The following THEMIS variants were observed in gnomAD, a reference collection of about 807,000 sequenced individuals.
THEMIS encodes thymocyte selection associated.
A neutral mutation model predicts 52.6 loss-of-function variants in THEMIS; 37 were observed. The observed-to-expected ratio is 0.70, with a 90% CI of 0.54 to 0.93. The LOEUF (loss-of-function observed/expected upper bound fraction) is 0.93, where lower values mean the gene tolerates loss of function less well. Among genes scored for constraint, THEMIS ranks in the 40% least tolerant of loss-of-function variants. The pLI, the probability that THEMIS is intolerant of heterozygous loss-of-function variation, is 0.00. For synonymous variants in THEMIS, 292 were observed against 272.7 expected (o/e 1.07, Z -0.70); for missense variants, 808 against 763.1 (o/e 1.06, Z -0.69).
At chr6:127,903,466 G>A (rs1445751110), upstream of THEMIS, among the ~76,000 whole-genome samples, 2 of 151,842 alleles carry the variant, frequency 1.3e-5, no homozygotes, top group Non-Finnish European at 2.9e-5. Context: ...AAATTCCAAG[G>A]CAGTGGGAAA....
chr6:127,835,122 T>C (rs192879917), intron 2 of THEMIS, among the ~76,000 whole-genome samples: 6 of 151,974 alleles, frequency 3.9e-5, no homozygotes, highest in Admixed American at 6.5e-5. Context: ...GTATCAGGGC[T>C]AGAAAGAACC....
downstream of THEMIS, among the ~76,000 whole-genome samples, chr6:127,703,919 G>C (rs958104882): frequency 5.9e-5 from 9 of 152,176 alleles, no homozygotes; most frequent in African/African-American, 2.2e-4. Context: ...CAAGGTACCA[G>C]AAGATTTGAG....
intron 4 of THEMIS, among the ~76,000 whole-genome samples, chr6:127,766,286 C>G (rs1776196649): frequency 1.3e-5 from 2 of 152,232 alleles, no homozygotes; most frequent in South Asian, 4.1e-4. Context: ...TCGCACATTC[C>G]ATGTATCCTT....
chr6:127,848,127 T>C (rs561478331), intron 2 of THEMIS, among the ~76,000 whole-genome samples: 3 of 131,812 alleles, frequency 2.3e-5, no homozygotes, highest in Non-Finnish European at 3.1e-5. Context: ...CCTGTGTCCA[T>C]GTGTTCTCAT....
At chr6:127,854,917 C>G in intron 2 of THEMIS, 113 bp downstream of exon 2, 1 of 873,670 alleles carries the variant, frequency 1.1e-6, no homozygotes, top group Non-Finnish European at 1.6e-6. Context: ...ATTTTCCCCC[C>G]CATTATCCTA....
At chr6:127,733,723 A>G (rs1774888696) in intron 4 of THEMIS, among the ~76,000 whole-genome samples, 3 of 152,206 alleles carry the variant, frequency 2.0e-5, no homozygotes, top group Admixed American at 2.0e-4. Flanking sequence ...TCAGGCCTCA[A>G]GATTTAACTG....
chr6:127,911,932 C>G (rs1781421660), intron 1 of THEMIS, among the ~76,000 whole-genome samples: 1 of 148,110 alleles, frequency 6.8e-6, no homozygotes, highest in African/African-American at 2.7e-5. Flanking sequence ...GCAACACACA[C>G]CTAGAAAAGC....
chr6:127,828,676 C>T (rs887790613), intron 3 of THEMIS, among the ~76,000 whole-genome samples: 7 of 152,138 alleles, frequency 4.6e-5, no homozygotes, highest in East Asian at 3.9e-4. Context: ...CACGCCGGGC[C>T]GGGCGCGATG....
At chr6:127,823,917 G>A (rs1270709123) in intron 3 of THEMIS, among the ~76,000 whole-genome samples, 1 of 152,096 alleles carries the variant, frequency 6.6e-6, no homozygotes, top group Non-Finnish European at 1.5e-5. Flanking sequence ...AGAAATCAGA[G>A]GGAAGAATGA....
chr6:127,865,210 T>TA (rs1779935743), intron 1 of THEMIS, among the ~76,000 whole-genome samples: 1 of 151,802 alleles, frequency 6.6e-6, no homozygotes, highest in Admixed American at 6.6e-5. Context: ...CAAACAAAAC[T>TA]AAAAAAACAG....
chr6:127,911,791 G>A (rs1377859318), intron 1 of THEMIS, among the ~76,000 whole-genome samples: 1 of 151,452 alleles, frequency 6.6e-6, no homozygotes, highest in African/African-American at 2.5e-5. Context: ...GCCTTATGGA[G>A]AACTTTGCTA....
chr6:127,781,223 C>T (rs935807457), intron 4 of THEMIS, among the ~76,000 whole-genome samples: 2 of 151,678 alleles, frequency 1.3e-5, no homozygotes, highest in African/African-American at 2.4e-5. Flanking sequence ...AGTTCTTGTG[C>T]CGTGTTTTTC....
At chr6:127,836,697 T>C (rs1419097888) in intron 2 of THEMIS, among the ~76,000 whole-genome samples, 2 of 152,162 alleles carry the variant, frequency 1.3e-5, no homozygotes, top group South Asian at 2.1e-4. Context: ...ATTCTTTTGG[T>C]TCCATATTAC....
At chr6:127,909,823 C>T (rs1781366601) in intron 1 of THEMIS, 1 of 152,040 alleles carries the variant, frequency 6.6e-6, no homozygotes. Flanking sequence ...GTTTTAAAAA[C>T]CTGAAGAACC....
At chr6:127,882,823 C>T (rs76209886) in intron 1 of THEMIS, among the ~76,000 whole-genome samples, 1,936 of 151,784 alleles carry the variant, frequency 0.013, 47 homozygotes, top group African/African-American at 0.043. Flanking sequence ...TTCAAATTTG[C>T]CCTGATTTTA....
At chr6:127,736,242 T>C (rs956256851) in intron 4 of THEMIS, among the ~76,000 whole-genome samples, 1 of 152,174 alleles carries the variant, frequency 6.6e-6, no homozygotes, top group Non-Finnish European at 1.5e-5. Flanking sequence ...GTTTTTATTA[T>C]ATATAATTTA....
chr6:127,716,356 C>T (rs72965748), intron 5 of THEMIS, among the ~76,000 whole-genome samples: 8,411 of 151,912 alleles, frequency 0.055, 268 homozygotes, highest in Non-Finnish European at 0.08. Flanking sequence ...TCAGATCCTC[C>T]TCAGAACTAA....
chr6:127,828,919 AC>A (rs996654153), intron 3 of THEMIS, among the ~76,000 whole-genome samples: 7 of 152,186 alleles, frequency 4.6e-5, no homozygotes, highest in African/African-American at 1.7e-4. Context: ...AAACAAAAAA[AC>A]AAACAAACAA....
intron 1 of THEMIS, among the ~76,000 whole-genome samples, chr6:127,914,936 A>AACAC (rs1781489078): frequency 6.6e-6 from 1 of 152,194 alleles, no homozygotes; most frequent in Non-Finnish European, 1.5e-5. Flanking sequence ...ATTGACCAGA[A>AACAC]ACACACTTTG....
Sources: allele counts gnomAD v4.1 joint callset (sites outside exome capture counted in the v4.1 genomes callset), GRCh38; gene constraint gnomAD v4.1.1; transcripts MANE v1.5; gene names NCBI Gene and HGNC (gene_info 2026-07-23, HGNC 2026-07-21).